The following SYN3 variants were observed in gnomAD, a reference collection of about 807,000 sequenced individuals.
SYN3 encodes the protein synapsin-3.
Under a neutral mutation model 65.8 loss-of-function variants are expected in SYN3, and 35 were observed. The observed-to-expected ratio is 0.53, with a 90% CI of 0.41 to 0.70. The LOEUF (loss-of-function observed/expected upper bound fraction) is 0.70, where lower values mean the gene tolerates loss of function less well. Among genes scored for constraint, SYN3 ranks in the 30% least tolerant of loss-of-function variants. The probability of loss-of-function intolerance (pLI) is 0.00; values close to 1 mark genes in which losing one functional copy is unlikely to be tolerated. For missense variants in SYN3, 680 were observed against 749.0 expected, an observed-to-expected ratio of 0.91 and a Z score of 1.08; for synonymous variants, 270 against 292.9, an observed-to-expected ratio of 0.92 and a Z score of 0.80.
At chr22:32,810,541 G>A (rs2145983840) in intron 6 of SYN3, among the ~76,000 whole-genome samples, 1 of 151,992 alleles carries the variant, frequency 6.6e-6, no homozygotes. Flanking sequence ...TGGGTACTGG[G>A]GAGTGGAGAG....
chr22:32,854,841 A>T (rs2048321173), intron 6 of SYN3, among the ~76,000 whole-genome samples: 1 of 152,214 alleles, frequency 6.6e-6, no homozygotes, highest in South Asian at 2.1e-4. Context: ...GTCCATCAGA[A>T]CAATGTGTGC....
At chr22:32,952,583 C>A (rs1002646373) in intron 3 of SYN3, among the ~76,000 whole-genome samples, 7 of 151,874 alleles carry the variant, frequency 4.6e-5, no homozygotes, top group Non-Finnish European at 7.4e-5. Context: ...TAGTGAGACC[C>A]TGTCTCTACA....
intron 6 of SYN3, chr22:32,864,529 T>C (rs1384511876): frequency 6.0e-6 from 1 of 166,344 alleles, no homozygotes; most frequent in African/African-American, 2.4e-5. Context: ...ATATTACTGC[T>C]TTTTATTAAA....
At position 32,938,254 on chromosome 22, in the gene SYN3, C is replaced by A. The variant is rs113296528; in HGVS notation, c.370-6773G>T. Among the ~76,000 whole-genome samples the A allele has an allele frequency of 3.3e-5, 5 of 152,180 alleles. No individual in the cohort carries two copies. The South Asian group carries it at 1.0e-3, about 32-fold the overall frequency. On this transcript the variant is annotated intron_variant, in intron 3 of 13. Coordinates refer to ENST00000358763, the MANE Select transcript of SYN3 (RefSeq NM_003490.4). The stretch of plus-strand genomic sequence containing the variant: ...AAAAGAAAAAGAAAACCAGGCTGGG[C>A]GCGGTGGCTCACGCCTGTAATCCCA...
chr22:32,807,378 A>AATATATATATATTATATTTAC (rs1409769451), intron 6 of SYN3, among the ~76,000 whole-genome samples: 1 of 108,242 alleles, frequency 9.2e-6, no homozygotes, highest in African/African-American at 4.1e-5. Flanking sequence ...TATTATATAT[A>AATATATATATATTATATTTAC]ATATATATTA....
At chr22:32,873,397 T>G (rs1450155638) in intron 4 of SYN3, among the ~76,000 whole-genome samples, 1 of 152,168 alleles carries the variant, frequency 6.6e-6, no homozygotes, top group Non-Finnish European at 1.5e-5. Flanking sequence ...CTGGAAGCCT[T>G]GGTCTTAAAA....
intron 6 of SYN3, among the ~76,000 whole-genome samples, chr22:32,644,801 G>A (rs1209067100): frequency 2.0e-5 from 3 of 152,100 alleles, no homozygotes; most frequent in African/African-American, 7.2e-5. Context: ...TGGCTGCCTG[G>A]GGCCTCCCAG....
chr22:32,692,085 T>C (rs2060668426), intron 6 of SYN3, among the ~76,000 whole-genome samples: 1 of 138,480 alleles, frequency 7.2e-6, no homozygotes, highest in African/African-American at 3.0e-5. Flanking sequence ...ACTCTAGAGC[T>C]GCTGTGGTCA....
At chr22:33,043,021 G>A (rs9607007) in intron 1 of SYN3, among the ~76,000 whole-genome samples, 14,786 of 152,174 alleles carry the variant, frequency 0.097, 1,111 homozygotes, top group East Asian at 0.35. Flanking sequence ...AGACAAGAAG[G>A]AAGAAAAATA....
At chr22:32,950,295 T>C (rs940144674) in intron 3 of SYN3, among the ~76,000 whole-genome samples, 1 of 152,210 alleles carries the variant, frequency 6.6e-6, no homozygotes, top group Non-Finnish European at 1.5e-5. Flanking sequence ...TTTTTCTTAC[T>C]GCATCTCATA....
intron 12 of SYN3, chr22:32,518,580 T>C: frequency 1.5e-6 from 1 of 652,748 alleles, no homozygotes; most frequent in South Asian, 1.5e-5. Context: ...CACAGGATAC[T>C]GTTGATAACA....
At chr22:32,799,644 T>G (rs2046513922) in intron 6 of SYN3, among the ~76,000 whole-genome samples, 1 of 152,212 alleles carries the variant, frequency 6.6e-6, no homozygotes, top group Non-Finnish European at 1.5e-5. Flanking sequence ...ACCTTCCACA[T>G]GACTGTGGAA....
intron 4 of SYN3, among the ~76,000 whole-genome samples, chr22:32,910,412 A>C (rs770946983): frequency 6.8e-4 from 104 of 152,276 alleles, no homozygotes; most frequent in Non-Finnish European, 2.6e-4. Context: ...TTCGAGAACC[A>C]CATGACATGA....
At chr22:33,000,253 C>G in intron 2 of SYN3, among the ~76,000 whole-genome samples, 1 of 152,160 alleles carries the variant, frequency 6.6e-6, no homozygotes, top group East Asian at 1.9e-4. Context: ...AGGAGAGCAT[C>G]ACCTTTAGTT....
chr22:33,054,539 C>T (rs1165762507), intron 1 of SYN3, among the ~76,000 whole-genome samples: 2 of 152,190 alleles, frequency 1.3e-5, no homozygotes, highest in East Asian at 1.9e-4. Context: ...AAGGAAACCA[C>T]TTAGCCATTA....
At chr22:32,534,156 C>G (rs7291344) in intron 9 of SYN3, among the ~76,000 whole-genome samples, 46,165 of 151,812 alleles carry the variant, frequency 0.3, 7,414 homozygotes, top group East Asian at 0.59. Flanking sequence ...AGAAAGAACA[C>G]GAGAGAGCCA....
intron 6 of SYN3, among the ~76,000 whole-genome samples, chr22:32,643,205 G>A (rs2059928268): frequency 6.6e-6 from 1 of 152,016 alleles, no homozygotes; most frequent in African/African-American, 2.4e-5. Context: ...AGCCCCTCCT[G>A]AGTAGGTGGG....
chr22:32,724,726 G>A (rs2061166270), intron 6 of SYN3, among the ~76,000 whole-genome samples: 1 of 152,174 alleles, frequency 6.6e-6, no homozygotes, highest in Non-Finnish European at 1.5e-5. Context: ...ATTTTGACAT[G>A]TCTAGAAATG....
intron 6 of SYN3, among the ~76,000 whole-genome samples, chr22:32,802,738 C>T (rs2046623731): frequency 6.6e-6 from 1 of 152,108 alleles, no homozygotes; most frequent in African/African-American, 2.4e-5. Context: ...TGACCCACGC[C>T]CTGGAGGCAC....
Sources: gnomAD v4.1 joint callset for allele counts (sites outside exome capture counted in the v4.1 genomes callset) on GRCh38, gnomAD v4.1.1 for gene constraint, MANE v1.5 for transcripts, NCBI Gene and HGNC (gene_info 2026-07-23, HGNC 2026-07-21) for gene names.